LEMD2: variants seen among roughly 807,000 people sequenced by gnomAD.
The protein encoded by LEMD2 is LEM domain nuclear envelope protein 2.
A neutral mutation model predicts 58.8 loss-of-function variants in LEMD2; 34 were observed. The ratio of observed to expected loss-of-function variants is 0.58; its 90% CI spans 0.44 to 0.77. The LOEUF (loss-of-function observed/expected upper bound fraction) is 0.77, where lower values mean the gene tolerates loss of function less well. LEMD2 is among the 30% of genes least tolerant of loss of function. The pLI is 0.00. For missense variants in LEMD2, 629 were observed against 717.9 expected (o/e 0.88, Z 1.42); for synonymous variants, 298 against 308.9 (o/e 0.96, Z 0.37).
Position 33,777,121 on chromosome 6 carries a change from A to T in LEMD2, c.1258+17T>A. Reference sequence around the variant, plus strand: ...GGCTGGCGTCGGCAACCCTTTATTCACCAGGGGGCCACGCACCTATAATCT... The same window carrying T: ...GGCTGGCGTCGGCAACCCTTTATTCTCCAGGGGGCCACGCACCTATAATCT... On this transcript the variant is annotated intron_variant, in intron 7 of 8. Transcript: ENST00000293760. 6.2e-7 allele frequency: 1 copy of T among 1,612,436 alleles called. No homozygotes were observed. Among genetic ancestry groups the T allele is most frequent in the Non-Finnish European group, 8.5e-7 (1 of 1,178,438 alleles).
At chr6:33,782,472 A>G (rs2127381529) in intron 3 of LEMD2, among the ~76,000 whole-genome samples, 1 of 152,092 alleles carries the variant, frequency 6.6e-6, no homozygotes, top group East Asian at 1.9e-4. Flanking sequence ...CCCTTCCTCC[A>G]TGAAGGTGCT....
Position 33,772,786 on chromosome 6 carries a change from G to A in LEMD2, c.1362-8C>T, listed in dbSNP as rs1046121790. ...ACACGCTTCATGCGCCTCCTGCAAT[G>A]AGAGGGACGGGGCTCTGCCTGGCAC... is the stretch of plus-strand genomic sequence containing the variant. On this transcript the variant is annotated splice_polypyrimidine_tract_variant and splice_region_variant and intron_variant, in intron 8 of 8. Coordinates refer to ENST00000293760, the MANE Select transcript of LEMD2 (RefSeq NM_181336.4). 2 of 1,612,000 alleles carry A rather than the reference G, an allele frequency of 1.2e-6. No individual in the cohort carries two copies. The highest frequency in any genetic ancestry group is 1.1e-5 in the South Asian group (1 of 90,768).
Position 33,784,338 on chromosome 6 carries a change from C to T in LEMD2, c.853+14G>A, listed in dbSNP as rs747799675. ...CTCACAAGAGGAATCTCAGGACTTA[C>T]GTGACTTACTCACCAGCTTGGATGG... is the stretch of plus-strand genomic sequence containing the variant. On this transcript the variant is annotated intron_variant, in intron 3 of 8. Coordinates refer to ENST00000293760, the MANE Select transcript of LEMD2 (RefSeq NM_181336.4). The T allele has an allele frequency of 1.9e-5, 30 of 1,606,768 alleles. No individual in the cohort carries two copies. In the East Asian group the frequency reaches 5.8e-4, roughly 31 times the overall value.
intron 8 of LEMD2, among the ~76,000 whole-genome samples, chr6:33,774,480 T>C (rs1304020066): frequency 7.0e-6 from 1 of 143,488 alleles, no homozygotes; most frequent in African/African-American, 2.6e-5. Context: ...CCCGGGCTGG[T>C]GTGCAATGGC....
rs1455248376 is a variant in LEMD2 at position 33,783,511 on chromosome 6, C to A, written c.853+841G>T. Among the ~76,000 whole-genome samples the A allele has an allele frequency of 1.3e-5, 2 of 152,350 alleles. 1 individual carries two copies. The highest frequency in any genetic ancestry group is 4.1e-4 in the South Asian group (2 of 4,828). On this transcript the variant is annotated intron_variant, in intron 3 of 8. Transcript: ENST00000293760. Reference sequence around the variant, plus strand: ...CTCTTGAATATCCCTTAAGATAGAACTGCTCTGTCTGGTTCTTGTGTCCAG... The same window carrying A: ...CTCTTGAATATCCCTTAAGATAGAAATGCTCTGTCTGGTTCTTGTGTCCAG...
At chr6:33,782,460 T>C (rs1232378468) in intron 3 of LEMD2, among the ~76,000 whole-genome samples, 1 of 152,096 alleles carries the variant, frequency 6.6e-6, no homozygotes, top group African/African-American at 2.4e-5. Flanking sequence ...TCTCTCATCT[T>C]CCCCTTCCTC....
At chr6:33,773,645 C>A (rs1767359277) in intron 8 of LEMD2, among the ~76,000 whole-genome samples, 1 of 151,336 alleles carries the variant, frequency 6.6e-6, no homozygotes, top group Admixed American at 6.6e-5. Context: ...ACCAACCAAA[C>A]CCCATGGGCC....
chr6:33,777,678 A>G (rs1418513217), intron 6 of LEMD2, among the ~76,000 whole-genome samples: 1 of 152,186 alleles, frequency 6.6e-6, no homozygotes, highest in Non-Finnish European at 1.5e-5. Context: ...TGTAGCTCCA[A>G]CTATCTCTGG....
At position 33,780,110 on chromosome 6, in the gene LEMD2, C is replaced by A; in HGVS notation, c.1000G>T (p.Val334Leu). 6.3e-7 allele frequency: 1 copy of A among 1,590,916 alleles called. No homozygotes were observed. The highest frequency in any genetic ancestry group is 2.3e-5 in the East Asian group (1 of 44,066). Reference protein sequence around the residue: ...LTWILSSNKDVGIWLKGEDQS... With the variant: ...LTWILSSNKDLGIWLKGEDQS... ...CCTGCCCACACTCACCAGATGCCCACGTCCTTGTTACTGCTCAGTATCCAG... is the reference window on the plus strand; with the variant it reads ...CCTGCCCACACTCACCAGATGCCCAAGTCCTTGTTACTGCTCAGTATCCAG... Residue 334 changes from valine (V) to leucine (L), a missense_variant, in exon 5 of 9, where the codon GTG (valine) becomes TTG (leucine). This residue lies in a region of LEMD2 where 243 missense variants were observed against 336.8 expected (regional missense o/e 0.72). Transcript: ENST00000293760.
chr6:33,783,476 T>G (rs151030802), intron 3 of LEMD2, among the ~76,000 whole-genome samples: 65 of 152,258 alleles, frequency 4.3e-4, no homozygotes, highest in African/African-American at 1.5e-3. Context: ...ACCCCACAGG[T>G]AAGAGGCGCC....
Position 33,776,992 on chromosome 6 carries a change from G to A in LEMD2, c.1323C>T (p.Ile441=), listed in dbSNP as rs368005459. The change falls in exon 8 of 9, where the codon ATC becomes ATT. Residue 441 remains isoleucine, a synonymous_variant. Coordinates refer to ENST00000293760, the MANE Select transcript of LEMD2 (RefSeq NM_181336.4). ...QDMERYPYVG[I]LHVRDSLIPP... ...GGATCAAGCTGTCGCGCACGTGCAG[G>A]ATGCCTACATATGGATAGCGCTCCA... The A allele has an allele frequency of 1.9e-6, 3 of 1,614,002 alleles. No homozygotes were observed. Among genetic ancestry groups the A allele is most frequent in the Non-Finnish European group, 1.7e-6 (2 of 1,180,036 alleles).
chr6:33,776,792 A>G (rs1767439691), intron 8 of LEMD2, 162 bp downstream of exon 8: 2 of 648,086 alleles, frequency 3.1e-6, no homozygotes, highest in African/African-American at 1.8e-5. Context: ...AGAGCCGAGC[A>G]TGCTGGGGAG....
In LEMD2 at chr6:33,784,371, A is replaced by G. The variant is rs1401728324; in HGVS notation, c.834T>C (p.Asn278=). Residue 278 remains asparagine (N), a synonymous_variant, in exon 3 of 9, where the codon AAT becomes AAC. Coordinates refer to ENST00000293760, the MANE Select transcript of LEMD2 (RefSeq NM_181336.4). ...ALLELLHELY[N]FLAIQAGNFE... is the part of the protein sequence containing the mutation. ...ACTCACCAGCTTGGATGGCCAGGAAATTGTAGAGTTCATGCAGCAGCTCCA... is the reference window on the plus strand; with the variant it reads ...ACTCACCAGCTTGGATGGCCAGGAAGTTGTAGAGTTCATGCAGCAGCTCCA... The G allele has an allele frequency of 1.4e-6, 2 of 1,446,084 alleles. No individual in the cohort carries two copies. The highest frequency in any genetic ancestry group is 1.9e-6 in the Non-Finnish European group (2 of 1,080,250). 89.6% of individuals were successfully genotyped at this position (1,446,084 alleles called of 1,614,324 possible). A position where few individuals can be genotyped will look rare whatever the true frequency, so the allele number is the denominator to read the frequency against.
intron 2 of LEMD2, among the ~76,000 whole-genome samples, chr6:33,785,471 T>C (rs560718204): frequency 1.3e-5 from 2 of 152,348 alleles, no homozygotes; most frequent in South Asian, 4.1e-4. Context: ...AGGGTACCTG[T>C]CTGGGCTCAC....
chr6:33,788,234 T>G, intron 1 of LEMD2, 147 bp downstream of exon 1: 1 of 837,940 alleles, frequency 1.2e-6, no homozygotes, highest in South Asian at 1.9e-5. Context: ...TTCCCACAGC[T>G]GGAAGAAGGC....
In LEMD2 at chr6:33,788,628, C is replaced by T; in HGVS notation, c.489G>A (p.Trp163Ter). ...GCCGCGCCGGGGCGGGAGACGCTGCCCACCAGCGGCGGGCCGCGAGACCCG... is the reference window on the plus strand; with the variant it reads ...GCCGCGCCGGGGCGGGAGACGCTGCTCACCAGCGGCGGGCCGCGAGACCCG... ...QGPGLAARRW[W>*]AASPAPARLP... The change falls in exon 1 of 9, where the codon TGG becomes TGA. Residue 163 changes from tryptophan (W) to a stop codon, truncating the protein, a stop_gained. Transcript: ENST00000293760. LOFTEE classifies it high-confidence loss of function. 7.9e-7 allele frequency: 1 copy of T among 1,273,256 alleles called. No individual in the cohort carries two copies. The highest frequency in any genetic ancestry group is 9.9e-7 in the Non-Finnish European group (1 of 1,014,000). The allele number at this position is 1,273,256 out of a possible 1,614,324, so 78.9% of individuals were successfully genotyped here. A position where few individuals can be genotyped will look rare whatever the true frequency, so the allele number is the denominator to read the frequency against.
chr6:33,783,749 T>G (rs573408379), intron 3 of LEMD2, among the ~76,000 whole-genome samples: 1 of 152,310 alleles, frequency 6.6e-6, no homozygotes, highest in Admixed American at 6.5e-5. Context: ...AATGCCCTCC[T>G]TTAGAGGACA....
intron 3 of LEMD2, 33 bp downstream of exon 3, chr6:33,784,319 A>T: frequency 6.4e-7 from 1 of 1,554,022 alleles, no homozygotes; most frequent in Non-Finnish European, 8.9e-7. Context: ...AGCTCTCACA[A>T]GAGGAATCTC....
rs957429159 is a variant in LEMD2, at chr6:33,789,000, C to G, written c.117G>C (p.Arg39=). The stretch of plus-strand genomic sequence containing the variant: ...CCTCGTCGCGCAGCCGGGCCTCGCC[C>G]CGCAGGCGGCGCAGCTTGTTGCGGT... ...DVYRNKLRRL[R]GEARLRDEER... The change falls in exon 1 of 9, where the codon CGG becomes CGC. Residue 39 remains arginine (R), a synonymous_variant. Coordinates refer to ENST00000293760, the MANE Select transcript of LEMD2 (RefSeq NM_181336.4). 1 of 1,551,434 alleles carries G rather than the reference C, an allele frequency of 6.4e-7. No individual in the cohort carries two copies. The highest frequency in any genetic ancestry group is 8.7e-7 in the Non-Finnish European group (1 of 1,156,040).
Sources: allele counts gnomAD v4.1 joint callset (sites outside exome capture counted in the v4.1 genomes callset), GRCh38; gene constraint gnomAD v4.1.1; regional missense constraint gnomAD v4.1.1; transcripts MANE v1.5; gene names NCBI Gene and HGNC (gene_info 2026-07-23, HGNC 2026-07-21).